RBFOX1: variants seen among roughly 807,000 people sequenced by gnomAD.
RBFOX1 encodes RNA binding protein fox-1 homolog 1.
Under a neutral mutation model 57.7 loss-of-function variants are expected in RBFOX1, and 8 were observed. The ratio of observed to expected loss-of-function variants is 0.14; its 90% CI spans 0.08 to 0.25. The LOEUF (loss-of-function observed/expected upper bound fraction) is 0.25, where lower values mean the gene tolerates loss of function less well. RBFOX1 is among the 10% of genes least tolerant of loss of function. RBFOX1 has a pLI of 1.00. For synonymous variants in RBFOX1, 326 were observed against 222.4 expected (o/e 1.47, Z -4.15); for missense variants, 611 against 548.5 (o/e 1.11, Z -1.14).
chr16:6,951,233 A>G (rs78797908), intron 3 of RBFOX1, among the ~76,000 whole-genome samples: 2,300 of 152,170 alleles, frequency 0.015, 71 homozygotes, highest in African/African-American at 0.052. Flanking sequence ...ACCAGTTAAG[A>G]AAAGGCATGT....
chr16:6,466,928 G>T (rs2095062465), intron 2 of RBFOX1, among the ~76,000 whole-genome samples: 1 of 151,756 alleles, frequency 6.6e-6, no homozygotes, highest in African/African-American at 2.4e-5. Flanking sequence ...ATAACTAAAT[G>T]CAGCAGATTT....
chr16:5,751,905 C>A (rs913245900), intron 3 of RBFOX1, among the ~76,000 whole-genome samples: 5 of 152,076 alleles, frequency 3.3e-5, no homozygotes, highest in African/African-American at 1.2e-4. Context: ...ACCATTTGAC[C>A]CAGCAATCCC....
chr16:7,576,096 A>ATT (rs113802059), intron 5 of RBFOX1, among the ~76,000 whole-genome samples: 2,053 of 123,472 alleles, frequency 0.017, 48 homozygotes, highest in African/African-American at 0.051. Flanking sequence ...ATGATCAGCT[A>ATT]TTTTTTTTTT....
At chr16:5,296,975 C>G (rs1217614056) in intron 1 of RBFOX1, among the ~76,000 whole-genome samples, 2 of 152,096 alleles carry the variant, frequency 1.3e-5, no homozygotes, top group Non-Finnish European at 2.9e-5. Context: ...CATGCCTGGC[C>G]AACTTTTTTA....
chr16:7,385,866 G>C (rs1241938962), intron 4 of RBFOX1, among the ~76,000 whole-genome samples: 2 of 152,052 alleles, frequency 1.3e-5, no homozygotes, highest in East Asian at 1.9e-4. Context: ...CAGTTTTTCT[G>C]CTTCAGCCTC....
chr16:6,361,514 G>C (rs1159123241), intron 2 of RBFOX1, among the ~76,000 whole-genome samples: 2 of 151,916 alleles, frequency 1.3e-5, no homozygotes, highest in East Asian at 1.9e-4. Context: ...TGTAGTTGCA[G>C]CTTCTCGGGA....
chr16:6,749,883 C>T (rs1420055748), intron 3 of RBFOX1, among the ~76,000 whole-genome samples: 2 of 152,182 alleles, frequency 1.3e-5, no homozygotes, highest in African/African-American at 4.8e-5. Flanking sequence ...TTCTGAAAGA[C>T]TTCTCCATTT....
chr16:7,190,671 G>T (rs542036770), intron 4 of RBFOX1, among the ~76,000 whole-genome samples: 2 of 152,040 alleles, frequency 1.3e-5, no homozygotes. Context: ...CAGAAATTCA[G>T]CTCCCCAGAA....
chr16:6,803,997 A>G (rs903582289), intron 3 of RBFOX1, among the ~76,000 whole-genome samples: 13 of 151,744 alleles, frequency 8.6e-5, no homozygotes, highest in African/African-American at 3.2e-4. Context: ...TGTATAGTAC[A>G]TAAAACTCAT....
At chr16:6,683,776 A>G (rs560175694) in intron 3 of RBFOX1, among the ~76,000 whole-genome samples, 2 of 152,302 alleles carry the variant, frequency 1.3e-5, no homozygotes, top group East Asian at 3.9e-4. Flanking sequence ...TTGCGGTCAG[A>G]CATACCTGGA....
intron 4 of RBFOX1, among the ~76,000 whole-genome samples, chr16:5,881,170 C>G (rs2151917616): frequency 6.6e-6 from 1 of 152,288 alleles, no homozygotes; most frequent in East Asian, 1.9e-4. Context: ...TCTTGGATCC[C>G]CAGTGAAGAA....
At chr16:5,899,306 A>T (rs571384113) in intron 4 of RBFOX1, among the ~76,000 whole-genome samples, 3 of 151,980 alleles carry the variant, frequency 2.0e-5, no homozygotes, top group Non-Finnish European at 4.4e-5. Context: ...AGACACAAAC[A>T]TGATGAGATC....
At chr16:5,726,442 G>A (rs1047757859) in intron 3 of RBFOX1, among the ~76,000 whole-genome samples, 10 of 152,164 alleles carry the variant, frequency 6.6e-5, no homozygotes, top group South Asian at 4.2e-4. Flanking sequence ...TGCCAAGGTC[G>A]CCACCAGCAA....
intron 3 of RBFOX1, among the ~76,000 whole-genome samples, chr16:5,756,815 G>C (rs13333687): frequency 0.15 from 23,195 of 152,064 alleles, 2,363 homozygotes; most frequent in African/African-American, 0.29. Flanking sequence ...GGGAAAGGTG[G>C]ACTTCTCAAT....
At chr16:6,436,589 G>A (rs1179962248) in intron 2 of RBFOX1, among the ~76,000 whole-genome samples, 1 of 150,140 alleles carries the variant, frequency 6.7e-6, no homozygotes, top group Non-Finnish European at 1.5e-5. Flanking sequence ...TTTTTCTGGG[G>A]GGAAAAATTA....
intron 3 of RBFOX1, among the ~76,000 whole-genome samples, chr16:6,967,269 T>A (rs1339632788): frequency 1.3e-5 from 2 of 151,930 alleles, no homozygotes; most frequent in East Asian, 1.9e-4. Flanking sequence ...TGTACACTCA[T>A]CATTTCATCA....
At chr16:7,169,954 T>C (rs879764865) in intron 4 of RBFOX1, among the ~76,000 whole-genome samples, 1 of 152,038 alleles carries the variant, frequency 6.6e-6, no homozygotes, top group Non-Finnish European at 1.5e-5. Flanking sequence ...ACGCCTGTGG[T>C]CCCAGCTACT....
intron 3 of RBFOX1, among the ~76,000 whole-genome samples, chr16:5,657,116 C>G (rs2049456789): frequency 6.6e-6 from 1 of 152,130 alleles, no homozygotes; most frequent in African/African-American, 2.4e-5. Flanking sequence ...AAAAAAGAAA[C>G]AGTCTTCTCT....
intron 2 of RBFOX1, 116 bp downstream of exon 2, chr16:6,317,173 T>C: frequency 1.0e-6 from 1 of 962,800 alleles, no homozygotes; most frequent in Non-Finnish European, 1.6e-6. Context: ...CTTTGCTGCC[T>C]GCCTATGTCT....
Sources: allele counts gnomAD v4.1 joint callset (sites outside exome capture counted in the v4.1 genomes callset), GRCh38; gene constraint gnomAD v4.1.1; transcripts MANE v1.5; gene names NCBI Gene and HGNC (gene_info 2026-07-23, HGNC 2026-07-21).